Variants in TRIM33 observed in about 807,000 individuals in gnomAD.
The protein encoded by TRIM33 is tripartite motif containing 33, also known as E3 ubiquitin-protein ligase TRIM33.
In TRIM33, 20 loss-of-function variants were observed where a neutral mutation model predicts 125.4. The observed-to-expected ratio is 0.16, with a 90% confidence interval of 0.11 to 0.23. TRIM33 has a LOEUF of 0.23. TRIM33 is among the 10% of genes least tolerant of loss of function. The pLI, the probability that TRIM33 is intolerant of heterozygous loss-of-function variation, is 1.00. For missense variants in TRIM33, 920 were observed against 1,411.4 expected (o/e 0.65, Z 5.58); for synonymous variants, 564 against 513.9 (o/e 1.10, Z -1.32).
At chr1:114,487,029 G>A (rs889762487) in intron 1 of TRIM33, among the ~76,000 whole-genome samples, 1 of 150,992 alleles carries the variant, frequency 6.6e-6, no homozygotes, top group Non-Finnish European at 1.5e-5. Context: ...GGAGACTGCA[G>A]TGAGCCAAGA....
At chr1:114,434,466 A>T (rs1027466103) in intron 4 of TRIM33, among the ~76,000 whole-genome samples, 7 of 152,230 alleles carry the variant, frequency 4.6e-5, no homozygotes, top group Non-Finnish European at 1.0e-4. Context: ...TCAATAAAAA[A>T]CATCACATCA....
chr1:114,402,346 G>C (rs1651949332), intron 16 of TRIM33, among the ~76,000 whole-genome samples: 1 of 152,146 alleles, frequency 6.6e-6, no homozygotes, highest in Non-Finnish European at 1.5e-5. Flanking sequence ...GTCCAGATGA[G>C]AAATTATGAT....
In TRIM33 at chr1:114,393,317, T is replaced by C. The variant is rs1651377196; in HGVS notation, c.*4331A>G. The C allele has an allele frequency of 1.5e-5, 3 of 199,602 alleles. No individual in the cohort carries two copies. 12.4% of individuals were successfully genotyped at this position (199,602 alleles called of 1,614,324 possible). A position where few individuals can be genotyped will look rare whatever the true frequency, so the allele number is the denominator to read the frequency against. On this transcript the variant is annotated 3_prime_UTR_variant, in exon 20 of 20. Coordinates refer to ENST00000358465, the MANE Select transcript of TRIM33 (RefSeq NM_015906.4). ...TAAAATGTAGTAGATGCCTACATTT[T>C]TCAGAACAAGGAGCAGACATGCATT...
In TRIM33 at chr1:114,504,210, G is replaced by T. The variant is rs180848891; in HGVS notation, c.526+6341C>A. Among the ~76,000 whole-genome samples, 5 of 151,742 alleles carry T rather than the reference G, an allele frequency of 3.3e-5. No individual in the cohort carries two copies. The East Asian group carries it at 9.7e-4, about 29-fold the overall frequency. Reference sequence around the variant, plus strand: ...GACAGGGTCTCACGCCATTGCCAAGGCTGGAGTACAATGGCACAATCATGG... The same window carrying T: ...GACAGGGTCTCACGCCATTGCCAAGTCTGGAGTACAATGGCACAATCATGG... On this transcript the variant is annotated intron_variant, in intron 1 of 19. Coordinates refer to ENST00000358465, the MANE Select transcript of TRIM33 (RefSeq NM_015906.4).
At chr1:114,498,175 T>C (rs1378200689) in intron 1 of TRIM33, among the ~76,000 whole-genome samples, 1 of 137,228 alleles carries the variant, frequency 7.3e-6, no homozygotes, top group Non-Finnish European at 1.6e-5. Flanking sequence ...CAAATATAAA[T>C]AAGGAATCAG....
At chr1:114,449,391 T>G (rs1454164115) in intron 4 of TRIM33, among the ~76,000 whole-genome samples, 2 of 152,236 alleles carry the variant, frequency 1.3e-5, no homozygotes, top group Admixed American at 6.5e-5. Flanking sequence ...GTAGAGCCTA[T>G]GGAATTAAAG....
At position 114,409,469 on chromosome 1, in the gene TRIM33, ATTATTTTACTAAGTGT is replaced by A. The variant is rs576846011; in HGVS notation, c.2194+699_2194+714del. ...TTTTTAAATAATTTTTCAATGTTTC[ATTATTTTACTAAGTGT>A]TTTAAAGTTGACTTGGAACCAAAGA... On this transcript the variant is annotated intron_variant, in intron 12 of 19. Transcript: ENST00000358465. 3.3e-5 allele frequency among the ~76,000 whole-genome samples: 5 copies of A among 152,310 alleles called. No individual in the cohort carries two copies. The East Asian group carries it at 7.7e-4, about 23-fold the overall frequency.
chr1:114,395,917 TATA>T lies in TRIM33; in HGVS notation c.*1728_*1730del, dbSNP rs1169551653. 3 of 193,230 alleles carry T rather than the reference TATA, an allele frequency of 1.6e-5. No individual in the cohort carries two copies. The highest frequency in any genetic ancestry group is 6.1e-5 in the Admixed American group (1 of 16,400). The allele number at this position is 193,230 out of a possible 1,614,324, so 12.0% of individuals were successfully genotyped here. A position where few individuals can be genotyped will look rare whatever the true frequency, so the allele number is the denominator to read the frequency against. The stretch of plus-strand genomic sequence containing the variant: ...AAGAAAAACAACCCAAAGGAATTTG[TATA>T]ATAATTTCTTTAGAGCACTTTATTT... On this transcript the variant is annotated 3_prime_UTR_variant, in exon 20 of 20. Coordinates refer to ENST00000358465, the MANE Select transcript of TRIM33 (RefSeq NM_015906.4).
At chr1:114,411,884 A>T (rs1300684644) in intron 11 of TRIM33, among the ~76,000 whole-genome samples, 1 of 152,188 alleles carries the variant, frequency 6.6e-6, no homozygotes, top group Non-Finnish European at 1.5e-5. Flanking sequence ...CATTAAAGCA[A>T]TGTTTTTTGA....
chr1:114,419,223 A>G (rs1004055788), intron 11 of TRIM33, among the ~76,000 whole-genome samples: 2 of 148,866 alleles, frequency 1.3e-5, no homozygotes, highest in East Asian at 1.9e-4. Context: ...AAAAAAAAAG[A>G]AAGAAAGAAT....
intron 1 of TRIM33, 25 bp downstream of exon 1, chr1:114,510,526 A>G (rs1228873020): frequency 6.9e-7 from 1 of 1,451,974 alleles, no homozygotes; most frequent in East Asian, 2.7e-5. Context: ...TGCGGCCCAG[A>G]TGCCAGGCAG....
chr1:114,417,813 C>T (rs2101131247), intron 11 of TRIM33, among the ~76,000 whole-genome samples: 1 of 152,210 alleles, frequency 6.6e-6, no homozygotes, highest in South Asian at 2.1e-4. Context: ...CATGCACCAC[C>T]ATGCCCGGCT....
intron 4 of TRIM33, among the ~76,000 whole-genome samples, chr1:114,436,467 T>C (rs7516386): frequency 0.28 from 42,004 of 148,296 alleles, 6,478 homozygotes; most frequent in African/African-American, 0.39. Flanking sequence ...TTTCAGAGAG[T>C]TTTTTTGTTT....
chr1:114,453,086 A>G lies in TRIM33; in HGVS notation c.923+10018T>C, dbSNP rs1023032555. Among the ~76,000 whole-genome samples the G allele has an allele frequency of 3.3e-5, 5 of 152,124 alleles. No homozygotes were observed. In the South Asian group the frequency reaches 1.0e-3, roughly 31 times the overall value. On this transcript the variant is annotated intron_variant, in intron 4 of 19. Coordinates refer to ENST00000358465, the MANE Select transcript of TRIM33 (RefSeq NM_015906.4). The stretch of plus-strand genomic sequence containing the variant: ...TTAGTTAAGACACACAGAAGTGGAT[A>G]GGCACAGTGGCTCATGCCTGTAATC...
chr1:114,450,422 C>A (rs1235231438), intron 4 of TRIM33, among the ~76,000 whole-genome samples: 1 of 152,186 alleles, frequency 6.6e-6, no homozygotes. Flanking sequence ...ACGTCTACCT[C>A]CTGGGTTCAA....
intron 1 of TRIM33, chr1:114,468,596 C>A: frequency 2.5e-6 from 1 of 402,426 alleles, no homozygotes; most frequent in Non-Finnish European, 4.8e-6. Flanking sequence ...ACTGATGAAG[C>A]TGAAGAAGGT....
chr1:114,494,103 G>A (rs1652228335), intron 1 of TRIM33, among the ~76,000 whole-genome samples: 1 of 150,804 alleles, frequency 6.6e-6, no homozygotes, highest in Non-Finnish European at 1.5e-5. Flanking sequence ...GATTATAAGT[G>A]TGAGCCACTG....
At chr1:114,462,466 A>C (rs1467730033) in intron 4 of TRIM33, among the ~76,000 whole-genome samples, 1 of 152,206 alleles carries the variant, frequency 6.6e-6, no homozygotes, top group Non-Finnish European at 1.5e-5. Context: ...ATTCTGGACT[A>C]TGGGTGACAC....
chr1:114,406,704 C>A (rs988128209), intron 14 of TRIM33, among the ~76,000 whole-genome samples: 1 of 152,138 alleles, frequency 6.6e-6, no homozygotes, highest in African/African-American at 2.4e-5. Context: ...TGACTAAATA[C>A]AAATTCAAAG....
Sources: allele counts gnomAD v4.1 joint callset (sites outside exome capture counted in the v4.1 genomes callset), GRCh38; gene constraint gnomAD v4.1.1; transcripts MANE v1.5; gene names NCBI Gene and HGNC (gene_info 2026-07-23, HGNC 2026-07-21).